The following CCSER1 variants were observed in gnomAD, a reference collection of about 807,000 sequenced individuals.
The protein encoded by CCSER1 is serine-rich coiled-coil domain-containing protein 1.
Under a neutral mutation model 82.0 loss-of-function variants are expected in CCSER1, and 41 were observed. The observed-to-expected ratio is 0.50, with a 90% CI of 0.39 to 0.65. The LOEUF (loss-of-function observed/expected upper bound fraction) is 0.65. Ranked by LOEUF, CCSER1 falls within the 30% of genes least tolerant of loss-of-function variation. The pLI, the probability that CCSER1 is intolerant of heterozygous loss-of-function variation, is 0.00. For synonymous variants in CCSER1, 414 were observed against 383.9 expected (o/e 1.08, Z -0.92); for missense variants, 1,119 against 1,064.2 (o/e 1.05, Z -0.72).
intron 5 of CCSER1, among the ~76,000 whole-genome samples, chr4:90,595,043 C>A (rs1274450549): frequency 6.6e-6 from 1 of 151,992 alleles, no homozygotes; most frequent in African/African-American, 2.4e-5. Context: ...GATCTATTAA[C>A]AAGTGTTTTG....
intron 2 of CCSER1, 67 bp downstream of exon 2, chr4:90,309,675 T>A: frequency 8.1e-7 from 1 of 1,235,860 alleles, no homozygotes. Flanking sequence ...TTCAGTTTTC[T>A]TATTCCATCT....
chr4:90,692,097 C>G (rs895076624), intron 6 of CCSER1, among the ~76,000 whole-genome samples: 3 of 147,318 alleles, frequency 2.0e-5, no homozygotes, highest in African/African-American at 7.5e-5. Flanking sequence ...ATTTATAGAG[C>G]TCTTATGATC....
At chr4:90,488,145 A>G (rs929480841) in intron 5 of CCSER1, among the ~76,000 whole-genome samples, 2 of 152,140 alleles carry the variant, frequency 1.3e-5, no homozygotes, top group Non-Finnish European at 1.5e-5. Flanking sequence ...TCTGGACTAC[A>G]TGATTGTTTA....
At chr4:91,495,232 T>A (rs1197935913) in intron 10 of CCSER1, among the ~76,000 whole-genome samples, 3 of 151,748 alleles carry the variant, frequency 2.0e-5, no homozygotes, top group Non-Finnish European at 4.4e-5. Flanking sequence ...ATTAAGTATG[T>A]CATTAGGTAT....
chr4:91,045,343 C>A (rs1315556392), intron 9 of CCSER1, among the ~76,000 whole-genome samples: 1 of 151,950 alleles, frequency 6.6e-6, no homozygotes, highest in East Asian at 1.9e-4. Context: ...ATAAAAATTC[C>A]TTTGTGTTTT....
Position 91,316,227 on chromosome 4 carries a change from C to T in CCSER1, c.2217+230233C>T, listed in dbSNP as rs372418843. Among the ~76,000 whole-genome samples the T allele has an allele frequency of 5.1e-4, 78 of 151,910 alleles. 1 individual carries two copies. The South Asian group carries it at 8.1e-3, about 16-fold the overall frequency. ...GTCTTGAGTATGCCTTTATTAGCAG[C>T]GTGAGAATGAAATAACACAGTAATA... On this transcript the variant is annotated intron_variant, in intron 10 of 10. Transcript: ENST00000509176.
intron 5 of CCSER1, among the ~76,000 whole-genome samples, chr4:90,537,830 C>T (rs935100075): frequency 4.6e-5 from 7 of 152,098 alleles, no homozygotes; most frequent in Non-Finnish European, 7.4e-5. Context: ...TGTTAACCCT[C>T]CAGTTTTATG....
chr4:90,561,695 A>G (rs1173250689), intron 5 of CCSER1, among the ~76,000 whole-genome samples: 1 of 152,184 alleles, frequency 6.6e-6, no homozygotes, highest in African/African-American at 2.4e-5. Flanking sequence ...CAATAGTGTA[A>G]CCATTAAAAT....
intron 10 of CCSER1, among the ~76,000 whole-genome samples, chr4:91,302,292 G>T (rs1744727235): frequency 6.6e-6 from 1 of 152,010 alleles, no homozygotes; most frequent in Non-Finnish European, 1.5e-5. Flanking sequence ...CACGCCAAGA[G>T]ATCTAGGAAA....
chr4:90,815,873 A>T lies in CCSER1; in HGVS notation c.2094+28A>T, dbSNP rs1437359013. ...AAGTGATAACAATGCTTGGCCCACG[A>T]GTGTACTTTACTTTCAAGGTTATTT... On this transcript the variant is annotated intron_variant, in intron 8 of 10. Transcript: ENST00000509176. 22 of 1,462,116 alleles carry T rather than the reference A, an allele frequency of 1.5e-5. No homozygotes were observed. In the East Asian group the frequency reaches 5.5e-4, roughly 36 times the overall value. 90.6% of individuals were successfully genotyped at this position (1,462,116 alleles called of 1,614,324 possible). A position where few individuals can be genotyped will look rare whatever the true frequency, so the allele number is the denominator to read the frequency against.
At chr4:90,139,517 A>T (rs896397010) in intron 1 of CCSER1, among the ~76,000 whole-genome samples, 1 of 151,788 alleles carries the variant, frequency 6.6e-6, no homozygotes, top group Non-Finnish European at 1.5e-5. Flanking sequence ...ATTTTATTCT[A>T]TTTTTTTCAC....
intron 10 of CCSER1, among the ~76,000 whole-genome samples, chr4:91,428,674 A>G (rs1269798853): frequency 6.6e-6 from 1 of 152,008 alleles, no homozygotes; most frequent in Non-Finnish European, 1.5e-5. Flanking sequence ...GTAATTATGA[A>G]TAATATATTC....
intron 8 of CCSER1, among the ~76,000 whole-genome samples, chr4:90,831,981 C>G (rs1468862295): frequency 6.6e-6 from 1 of 151,794 alleles, no homozygotes; most frequent in Admixed American, 6.6e-5. Flanking sequence ...TCACATATAT[C>G]TTATATGTGT....
At chr4:91,551,656 AACACACACACACACACACACACACAC>A (rs58159693) in intron 10 of CCSER1, among the ~76,000 whole-genome samples, 9 of 139,524 alleles carry the variant, frequency 6.5e-5, no homozygotes, top group African/African-American at 2.2e-4. Flanking sequence ...GCAAAAAACA[AACACACACACACACACACACACACAC>A]ACACACACAC....
intron 7 of CCSER1, among the ~76,000 whole-genome samples, chr4:90,772,842 T>C (rs753924484): frequency 2.6e-4 from 39 of 152,202 alleles, no homozygotes; most frequent in Non-Finnish European, 1.0e-4. Context: ...GGAAAAAATA[T>C]TGTTTTTCCT....
intron 10 of CCSER1, among the ~76,000 whole-genome samples, chr4:91,429,895 A>T (rs1754194951): frequency 6.6e-6 from 1 of 151,880 alleles, no homozygotes; most frequent in East Asian, 1.9e-4. Context: ...AATTTTTATC[A>T]TTATAAAACT....
At chr4:90,893,775 GC>G (rs1284429226) in intron 8 of CCSER1, among the ~76,000 whole-genome samples, 3,376 of 134,342 alleles carry the variant, frequency 0.025, 133 homozygotes, top group African/African-American at 0.079. Flanking sequence ...GTGTGTGTGT[GC>G]GTGTGTGTGT....
chr4:90,623,023 AT>A (rs35838784), intron 5 of CCSER1, among the ~76,000 whole-genome samples: 5,700 of 112,534 alleles, frequency 0.051, 154 homozygotes, highest in African/African-American at 0.14. Context: ...TGGGTAAAGG[AT>A]TTTTTTTTTT....
intron 10 of CCSER1, among the ~76,000 whole-genome samples, chr4:91,305,631 T>A (rs1745000290): frequency 6.6e-6 from 1 of 151,682 alleles, no homozygotes; most frequent in African/African-American, 2.4e-5. Flanking sequence ...CCAATTGAAT[T>A]ATTTTCTGTT....
Sources: gnomAD v4.1 joint callset for allele counts (sites outside exome capture counted in the v4.1 genomes callset) on GRCh38, gnomAD v4.1.1 for gene constraint, MANE v1.5 for transcripts, NCBI Gene and HGNC (gene_info 2026-07-23, HGNC 2026-07-21) for gene names.